The following THAP8 variants were observed in gnomAD, a reference collection of about 807,000 sequenced individuals.
THAP8 encodes the protein THAP domain containing 8.
Under a neutral mutation model 25.0 loss-of-function variants are expected in THAP8, and 24 were observed. The ratio of observed to expected loss-of-function variants is 0.96; its 90% CI spans 0.69 to 1.35. The LOEUF (loss-of-function observed/expected upper bound fraction) is 1.35, where lower values mean the gene tolerates loss of function less well. Ranked by LOEUF, THAP8 falls within the 40% of genes most tolerant of loss-of-function variation. The pLI is 0.00. For synonymous variants in THAP8, 169 were observed against 157.6 expected, an observed-to-expected ratio of 1.07 and a Z score of -0.54; for missense variants, 399 against 368.8, an observed-to-expected ratio of 1.08 and a Z score of -0.67.
At chr19:36,035,930 G>T (rs1323897573) in intron 3 of THAP8, among the ~76,000 whole-genome samples, 1 of 152,082 alleles carries the variant, frequency 6.6e-6, no homozygotes, top group African/African-American at 2.4e-5. Context: ...ACACAGGGAG[G>T]TGGGGAAACA....
intron 1 of THAP8, among the ~76,000 whole-genome samples, chr19:36,043,653 A>G (rs1017957241): frequency 1.2e-4 from 18 of 152,102 alleles, no homozygotes; most frequent in African/African-American, 4.1e-4. Context: ...GATCACTTGC[A>G]GTCAGACCTC....
At chr19:36,050,651 G>A (rs1970030736) in intron 1 of THAP8, among the ~76,000 whole-genome samples, 2 of 152,206 alleles carry the variant, frequency 1.3e-5, no homozygotes, top group South Asian at 4.1e-4. Context: ...GTTCCTCAAT[G>A]TTTGATCCCT....
In THAP8 at chr19:36,039,359, G is replaced by A. The variant is rs942292460; in HGVS notation, c.636C>T (p.Ser212=). The change falls in exon 3 of 4, where the codon AGC becomes AGT. Residue 212 remains serine (S), a synonymous_variant. Coordinates refer to ENST00000292894, the MANE Select transcript of THAP8 (RefSeq NM_152658.3). ...GACCCCGGCGTGCCCGTGCCAGCAGGCTCTCCCCGTGTAGCTGCTGTGCCA... is the reference window on the plus strand; with the variant it reads ...GACCCCGGCGTGCCCGTGCCAGCAGACTCTCCCCGTGTAGCTGCTGTGCCA... ...ERLAQQLHGE[S]LLARARRGLQ... is the part of the protein sequence containing the mutation. The A allele has an allele frequency of 2.6e-6, 4 of 1,532,710 alleles. No homozygotes were observed. In the African/African-American group the frequency reaches 5.5e-5, roughly 21 times the overall value. The allele number at this position is 1,532,710 out of a possible 1,614,324, so 94.9% of individuals were successfully genotyped here.
At chr19:36,048,482 C>A (rs1267211026) in intron 1 of THAP8, among the ~76,000 whole-genome samples, 1 of 152,032 alleles carries the variant, frequency 6.6e-6, no homozygotes, top group Non-Finnish European at 1.5e-5. Flanking sequence ...TCTCCCATCT[C>A]AGCCTCCTGA....
Position 36,035,527 on chromosome 19 carries a change from G to A in THAP8, c.738C>T (p.Asp246=), listed in dbSNP as rs762943819. 2 of 1,614,200 alleles carry A rather than the reference G, an allele frequency of 1.2e-6. No individual in the cohort carries two copies. The highest frequency in any genetic ancestry group is 1.7e-6 in the Non-Finnish European group (2 of 1,180,038). Residue 246 remains aspartate (D), a synonymous_variant, in exon 4 of 4, where the codon GAC becomes GAT. Coordinates refer to ENST00000292894, the MANE Select transcript of THAP8 (RefSeq NM_152658.3). ...GGTCCTGGGCAAGGACCATGGCTAT[G>A]TCAGGCCCTCCACAGATGATGGTGA... ...QTFTIICGGP[D]IAMVLAQDPA...
intron 1 of THAP8, among the ~76,000 whole-genome samples, chr19:36,045,227 A>G (rs1969837009): frequency 6.6e-6 from 1 of 152,048 alleles, no homozygotes; most frequent in Non-Finnish European, 1.5e-5. Context: ...AGCTGGGACT[A>G]CAGGCGCCCG....
At chr19:36,035,732 G>C in intron 3 of THAP8, 140 bp from the exon 4 acceptor site, 1 of 932,692 alleles carries the variant, frequency 1.1e-6, no homozygotes. Flanking sequence ...GGAGAGATAT[G>C]AGGAGACAGG....
At chr19:36,049,978 T>C (rs1970006648) in intron 1 of THAP8, among the ~76,000 whole-genome samples, 1 of 144,888 alleles carries the variant, frequency 6.9e-6, no homozygotes, top group Non-Finnish European at 1.5e-5. Context: ...CACTTGAACC[T>C]GGGAGGCAGA....
In THAP8 at chr19:36,053,366, C is replaced by CAAA. The variant is rs58744657; in HGVS notation, c.83+766_83+768dup. 1.5e-3 allele frequency among the ~76,000 whole-genome samples: 119 copies of CAAA among 77,092 alleles called. 2 individuals are homozygous for CAAA. Among genetic ancestry groups the CAAA allele is most frequent in the Middle Eastern group, 0.011 (1 of 92 alleles). The allele number at this position is 77,092 out of a possible 152,430, so 50.6% of individuals were successfully genotyped here. A position where few individuals can be genotyped will look rare whatever the true frequency, so the allele number is the denominator to read the frequency against. On this transcript the variant is annotated intron_variant, in intron 1 of 3. Transcript: ENST00000292894. ...TACAGGCGTGAGCCACCAAGCCTGGCAAAAAAAAAAAAAAAAAAAAAAAAA... is the reference window on the plus strand; with the variant it reads ...TACAGGCGTGAGCCACCAAGCCTGGCAAAAAAAAAAAAAAAAAAAAAAAAAAAA...
intron 1 of THAP8, among the ~76,000 whole-genome samples, chr19:36,053,478 C>T (rs1970146712): frequency 6.7e-6 from 1 of 150,004 alleles, no homozygotes; most frequent in Non-Finnish European, 1.5e-5. Flanking sequence ...TCACTTGAGC[C>T]CGGGAGGTCG....
chr19:36,040,926 A>G (rs1969670054), intron 1 of THAP8, among the ~76,000 whole-genome samples: 1 of 152,164 alleles, frequency 6.6e-6, no homozygotes, highest in Admixed American at 6.6e-5. Flanking sequence ...CAAACGCAGG[A>G]TGTGGACCTT....
At chr19:36,035,737 G>T in intron 3 of THAP8, 145 bp from the exon 4 acceptor site, 1 of 895,892 alleles carries the variant, frequency 1.1e-6, no homozygotes, top group Non-Finnish European at 1.7e-6. Context: ...GATATGAGGA[G>T]ACAGGAAAGC....
At chr19:36,042,840 C>T (rs1027566038) in intron 1 of THAP8, among the ~76,000 whole-genome samples, 4 of 152,138 alleles carry the variant, frequency 2.6e-5, no homozygotes, top group African/African-American at 9.7e-5. Flanking sequence ...AATCTCGGCA[C>T]ACTGCAATCT....
chr19:36,047,825 C>CA (rs111270538), intron 1 of THAP8, among the ~76,000 whole-genome samples: 488 of 106,430 alleles, frequency 4.6e-3, no homozygotes, highest in African/African-American at 6.8e-3. Flanking sequence ...ATGAGACTTT[C>CA]AAAAAAAAAA....
chr19:36,050,223 G>A (rs998107285), intron 1 of THAP8, among the ~76,000 whole-genome samples: 4 of 152,080 alleles, frequency 2.6e-5, no homozygotes, highest in African/African-American at 4.8e-5. Flanking sequence ...ACAGCTCACT[G>A]CAGCCTCGGC....
chr19:36,040,253 A>G lies in THAP8; in HGVS notation c.84-117T>C, dbSNP rs1170318303. The G allele has an allele frequency of 5.7e-6, 6 of 1,043,798 alleles. No homozygotes were observed. In the Middle Eastern group the frequency reaches 6.3e-4, roughly 110 times the overall value. The allele number at this position is 1,043,798 out of a possible 1,614,324, so 64.7% of individuals were successfully genotyped here. On this transcript the variant is annotated intron_variant, in intron 1 of 3. Coordinates refer to ENST00000292894, the MANE Select transcript of THAP8 (RefSeq NM_152658.3). ...AGCCTGTGCCTCCCTAGGGCTAGGA[A>G]GTAGACCTGTCTTGTGCCCAGGCTT... is the stretch of plus-strand genomic sequence containing the variant.
At chr19:36,042,107 G>A (rs183475500) in intron 1 of THAP8, among the ~76,000 whole-genome samples, 9 of 151,704 alleles carry the variant, frequency 5.9e-5, no homozygotes, top group African/African-American at 2.2e-4. Context: ...AGTAAGAGGG[G>A]GAGGAAGAGG....
In THAP8 at chr19:36,039,541, C is replaced by G; in HGVS notation, c.454G>C (p.Ala152Pro). 1 of 1,540,044 alleles carries G rather than the reference C, an allele frequency of 6.5e-7. No individual in the cohort carries two copies. Among genetic ancestry groups the G allele is most frequent in the Non-Finnish European group, 8.8e-7 (1 of 1,139,608 alleles). The change falls in exon 3 of 4, where the codon GCC (alanine) becomes CCC (proline). Residue 152 changes from alanine (A) to proline (P), a missense_variant. By Grantham distance (27) the Ala-to-Pro change is conservative. Coordinates refer to ENST00000292894, the MANE Select transcript of THAP8 (RefSeq NM_152658.3). ...TVATMLLTPL[A>P]PAPTPERSQP... ...GACCGCTCAGGAGTTGGCGCAGGGG[C>G]CAGGGGGGTCAGGAGCATGGTGGCC...
chr19:36,044,958 A>G (rs943621321), intron 1 of THAP8, among the ~76,000 whole-genome samples: 2 of 152,222 alleles, frequency 1.3e-5, no homozygotes, highest in African/African-American at 2.4e-5. Flanking sequence ...ATTGTCAGGC[A>G]CACATTATGT....
Sources: gnomAD v4.1 joint callset for allele counts (sites outside exome capture counted in the v4.1 genomes callset) on GRCh38, gnomAD v4.1.1 for gene constraint, MANE v1.5 for transcripts, NCBI Gene and HGNC (gene_info 2026-07-23, HGNC 2026-07-21) for gene names.